Variants in IQGAP2 observed in about 807,000 individuals in gnomAD.
IQGAP2 encodes the protein IQ motif containing GTPase activating protein 2, also known as ras GTPase-activating-like protein IQGAP2.
In IQGAP2, 173 loss-of-function variants were observed where a neutral mutation model predicts 201.3. The ratio of observed to expected loss-of-function variants is 0.86; its 90% CI spans 0.76 to 0.98. The LOEUF is 0.98. IQGAP2 is among the 50% of genes least tolerant of loss of function. IQGAP2 has a pLI of 0.00. For missense variants in IQGAP2, 1,687 were observed against 1,864.8 expected (o/e 0.90, Z 1.76); for synonymous variants, 675 against 673.9 (o/e 1.00, Z -0.03).
chr5:76,665,719 A>G (rs960619939), intron 22 of IQGAP2, among the ~76,000 whole-genome samples: 2 of 152,240 alleles, frequency 1.3e-5, no homozygotes, highest in African/African-American at 4.8e-5. Context: ...CTAAATGAAT[A>G]GTAATTTTCC....
intron 13 of IQGAP2, among the ~76,000 whole-genome samples, chr5:76,626,861 C>CT (rs1324452348): frequency 6.6e-6 from 1 of 152,218 alleles, no homozygotes; most frequent in African/African-American, 2.4e-5. Context: ...AGCCAACAGC[C>CT]ACACAGTGAG....
chr5:76,522,761 C>G (rs902245040), intron 2 of IQGAP2, among the ~76,000 whole-genome samples: 1 of 152,162 alleles, frequency 6.6e-6, no homozygotes, highest in Non-Finnish European at 1.5e-5. Context: ...CAATCATTAA[C>G]CAAGGAAATC....
intron 3 of IQGAP2, among the ~76,000 whole-genome samples, chr5:76,569,029 A>G (rs1476792696): frequency 2.0e-5 from 3 of 152,246 alleles, no homozygotes; most frequent in African/African-American, 4.8e-5. Context: ...CTCAAACAGT[A>G]TAGCCTGACC....
In IQGAP2 at chr5:76,636,892, G is replaced by T. The variant is rs2455229; in HGVS notation, c.1781-142G>T. ...ATTAAATACATCGAATTCATTCCAT[G>T]TTAGTGGGTCACTTCTGATGCCTTT... On this transcript the variant is annotated intron_variant, in intron 15 of 35. Coordinates refer to ENST00000274364, the MANE Select transcript of IQGAP2 (RefSeq NM_006633.5). The T allele has an allele frequency of 7.9e-5, 42 of 533,362 alleles. 1 individual carries two copies. In the South Asian group the frequency reaches 1.8e-3, roughly 22 times the overall value. 33.0% of individuals were successfully genotyped at this position (533,362 alleles called of 1,614,324 possible). A position where few individuals can be genotyped will look rare whatever the true frequency, so the allele number is the denominator to read the frequency against.
At chr5:76,527,267 G>C (rs1759029315) in intron 2 of IQGAP2, among the ~76,000 whole-genome samples, 1 of 152,234 alleles carries the variant, frequency 6.6e-6, no homozygotes, top group Admixed American at 6.5e-5. Context: ...GATGGAGACA[G>C]GGTCTAAACA....
intron 2 of IQGAP2, among the ~76,000 whole-genome samples, chr5:76,551,724 C>T (rs545166806): frequency 6.6e-6 from 1 of 152,012 alleles, no homozygotes; most frequent in African/African-American, 2.4e-5. Flanking sequence ...CGTGGCTGCG[C>T]GTGCCTGCAA....
At chr5:76,414,032 C>T (rs1392603820) in intron 1 of IQGAP2, among the ~76,000 whole-genome samples, 1 of 152,168 alleles carries the variant, frequency 6.6e-6, no homozygotes, top group Non-Finnish European at 1.5e-5. Context: ...TGAAGCTCAG[C>T]TGAGAGGACT....
rs1747382206 is a variant in IQGAP2, at chr5:76,600,848, G to A, written c.1108G>A (p.Glu370Lys). 2 of 1,613,982 alleles carry A rather than the reference G, an allele frequency of 1.2e-6. No homozygotes were observed. Among genetic ancestry groups the A allele is most frequent in the Non-Finnish European group, 8.5e-7 (1 of 1,180,008 alleles). The stretch of plus-strand genomic sequence containing the variant: ...CCACGAGGAGCTTTTGATTGCTGTG[G>A]AAATGTTGTCTGCTGTTGCTTTACT... The part of the protein sequence containing the change: ...LAHEELLIAV[E>K]MLSAVALLNQ... The change falls in exon 11 of 36, where the codon GAA becomes AAA. Residue 370 changes from glutamate (E) to lysine (K), a missense_variant. By Grantham distance (56) the Glu-to-Lys change is moderately conservative. Coordinates refer to ENST00000274364, the MANE Select transcript of IQGAP2 (RefSeq NM_006633.5).
At chr5:76,584,350 A>G (rs569209847) in intron 5 of IQGAP2, among the ~76,000 whole-genome samples, 2 of 152,332 alleles carry the variant, frequency 1.3e-5, no homozygotes, top group South Asian at 4.1e-4. Context: ...TACATTTGCG[A>G]TAAAAATGCC....
At chr5:76,687,380 C>A (rs1745874413) in intron 30 of IQGAP2, among the ~76,000 whole-genome samples, 1 of 152,210 alleles carries the variant, frequency 6.6e-6, no homozygotes, top group Non-Finnish European at 1.5e-5. Flanking sequence ...TTTAGCCAAG[C>A]CCTGCTTCTA....
At chr5:76,684,051 C>A in intron 30 of IQGAP2, 134 bp downstream of exon 30, 1 of 681,914 alleles carries the variant, frequency 1.5e-6, no homozygotes, top group Non-Finnish European at 2.2e-6. Flanking sequence ...ATCCATCAAA[C>A]ATCTAACCAA....
chr5:76,445,589 C>T (rs886988368), intron 1 of IQGAP2, among the ~76,000 whole-genome samples: 19 of 151,722 alleles, frequency 1.3e-4, no homozygotes, highest in Admixed American at 2.0e-4. Context: ...CTCAGCCTGC[C>T]GAATAGCTGG....
intron 1 of IQGAP2, among the ~76,000 whole-genome samples, chr5:76,416,951 T>A (rs575687829): frequency 1.3e-5 from 2 of 151,888 alleles, no homozygotes; most frequent in African/African-American, 4.8e-5. Context: ...ACCTCAGCCT[T>A]CTGAGTAGAT....
At chr5:76,493,791 C>T (rs1272216888) in intron 2 of IQGAP2, among the ~76,000 whole-genome samples, 2 of 152,148 alleles carry the variant, frequency 1.3e-5, no homozygotes, top group Non-Finnish European at 2.9e-5. Flanking sequence ...AATTTATTTG[C>T]TCTTACTAGT....
intron 1 of IQGAP2, among the ~76,000 whole-genome samples, chr5:76,420,578 T>C (rs1156769009): frequency 6.6e-6 from 1 of 152,154 alleles, no homozygotes; most frequent in Non-Finnish European, 1.5e-5. Context: ...GGTTTCACTA[T>C]GTTGGCCAGG....
chr5:76,425,554 G>A (rs1470456126), intron 1 of IQGAP2, among the ~76,000 whole-genome samples: 1 of 152,060 alleles, frequency 6.6e-6, no homozygotes, highest in Non-Finnish European at 1.5e-5. Flanking sequence ...GTGTCAAATT[G>A]TTAACAGTTG....
intron 1 of IQGAP2, among the ~76,000 whole-genome samples, chr5:76,436,333 A>G (rs976712955): frequency 4.0e-5 from 6 of 151,178 alleles, no homozygotes; most frequent in Non-Finnish European, 7.4e-5. Flanking sequence ...TCCCCATTCA[A>G]TATAATGTTG....
chr5:76,536,177 T>C (rs982355862), intron 2 of IQGAP2, among the ~76,000 whole-genome samples: 1 of 150,370 alleles, frequency 6.7e-6, no homozygotes, highest in Admixed American at 6.7e-5. Context: ...CAAGCGATTG[T>C]CCTGCCTCAG....
At chr5:76,615,909 C>A (rs1423424017) in intron 13 of IQGAP2, 1 of 152,626 alleles carries the variant, frequency 6.6e-6, no homozygotes, top group Non-Finnish European at 1.5e-5. Flanking sequence ...GAAATGATGT[C>A]ATCCCGTATC....
Sources: gnomAD v4.1 joint callset for allele counts (sites outside exome capture counted in the v4.1 genomes callset) on GRCh38, gnomAD v4.1.1 for gene constraint, MANE v1.5 for transcripts, NCBI Gene and HGNC (gene_info 2026-07-23, HGNC 2026-07-21) for gene names.